ADAMTSL1: variants seen among roughly 807,000 people sequenced by gnomAD.
The protein encoded by ADAMTSL1 is ADAMTS-like protein 1.
In ADAMTSL1, 126 loss-of-function variants were observed where a neutral mutation model predicts 201.8. That is an observed-to-expected ratio of 0.62 (90% CI 0.54 to 0.72). The LOEUF is 0.72. Among genes scored for constraint, ADAMTSL1 ranks in the 30% least tolerant of loss-of-function variants. The pLI, the probability that ADAMTSL1 is intolerant of heterozygous loss-of-function variation, is 0.00. For synonymous variants in ADAMTSL1, 1,121 were observed against 903.4 expected, an observed-to-expected ratio of 1.24 and a Z score of -4.32; for missense variants, 2,679 against 2,277.8, an observed-to-expected ratio of 1.18 and a Z score of -3.59.
chr9:18,361,765 G>T (rs1199635335), intron 2 of ADAMTSL1, among the ~76,000 whole-genome samples: 1 of 152,150 alleles, frequency 6.6e-6, no homozygotes, highest in African/African-American at 2.4e-5. Flanking sequence ...AGACTTTGTA[G>T]CTTAGTGAAT....
intron 17 of ADAMTSL1, 60 bp downstream of exon 17, chr9:18,770,841 G>C: frequency 6.5e-7 from 1 of 1,530,432 alleles, no homozygotes; most frequent in East Asian, 2.3e-5. Context: ...AGGCACCCCA[G>C]ACATATACAT....
chr9:18,786,727 G>A (rs1821729557), intron 19 of ADAMTSL1, among the ~76,000 whole-genome samples: 1 of 152,142 alleles, frequency 6.6e-6, no homozygotes, highest in African/African-American at 2.4e-5. Flanking sequence ...GGTTAGCAAG[G>A]TTTCTAGGAA....
chr9:18,608,891 T>G (rs1825198646), intron 4 of ADAMTSL1, among the ~76,000 whole-genome samples: 1 of 151,584 alleles, frequency 6.6e-6, no homozygotes, highest in African/African-American at 2.4e-5. Flanking sequence ...TGATTTGCTT[T>G]TGGCTTATTC....
chr9:18,856,271 C>T (rs947093739), intron 23 of ADAMTSL1, among the ~76,000 whole-genome samples: 11 of 152,048 alleles, frequency 7.2e-5, no homozygotes, highest in Non-Finnish European at 1.5e-4. Flanking sequence ...TACTTTTTTT[C>T]AGGATCTAAA....
chr9:18,195,988 AC>A (rs1829159453), intron 2 of ADAMTSL1, among the ~76,000 whole-genome samples: 1 of 152,184 alleles, frequency 6.6e-6, no homozygotes, highest in Non-Finnish European at 1.5e-5. Flanking sequence ...AAGAAAAAAA[AC>A]AATTCATACA....
At chr9:18,754,216 G>A (rs1819619549) in intron 16 of ADAMTSL1, among the ~76,000 whole-genome samples, 1 of 152,144 alleles carries the variant, frequency 6.6e-6, no homozygotes, top group Non-Finnish European at 1.5e-5. Flanking sequence ...TAAAATATGT[G>A]CTATCCCTTT....
intron 1 of ADAMTSL1, among the ~76,000 whole-genome samples, chr9:18,128,074 A>G (rs2067719): frequency 0.41 from 61,940 of 152,058 alleles, 13,679 homozygotes; most frequent in East Asian, 0.5. Context: ...ACAAATGACT[A>G]GTTGCATAAA....
intron 13 of ADAMTSL1, among the ~76,000 whole-genome samples, chr9:18,696,145 G>T (rs996644574): frequency 6.6e-6 from 1 of 152,154 alleles, no homozygotes; most frequent in Non-Finnish European, 1.5e-5. Flanking sequence ...CCAATATTGG[G>T]GATTACAATT....
At chr9:18,822,644 A>T (rs2131216556) in intron 21 of ADAMTSL1, among the ~76,000 whole-genome samples, 1 of 152,302 alleles carries the variant, frequency 6.6e-6, no homozygotes, top group East Asian at 1.9e-4. Context: ...ATCCAAACAA[A>T]TGTGACCTTA....
chr9:18,887,770 T>C, intron 23 of ADAMTSL1, 61 bp from the exon 24 acceptor site: 1 of 1,440,032 alleles, frequency 6.9e-7, no homozygotes. Context: ...AGTAAACCAG[T>C]GCACCAGCAA....
At position 18,392,573 on chromosome 9, in the gene ADAMTSL1, C is replaced by T. The variant is rs181969018; in HGVS notation, c.208-112256C>T. 1.2e-3 allele frequency among the ~76,000 whole-genome samples: 186 copies of T among 152,280 alleles called. 1 individual carries two copies. The highest frequency in any genetic ancestry group is 0.01 in the Admixed American group (153 of 15,294). ...TATTTAGTATTTTTGAAACTTCTAT[C>T]TTTGGCCCCTGCATTCTGGACATCC... On this transcript the variant is annotated intron_variant, in intron 2 of 29. Transcript: ENST00000680146.
intron 2 of ADAMTSL1, among the ~76,000 whole-genome samples, chr9:18,429,091 T>C (rs1354954133): frequency 6.6e-6 from 1 of 152,230 alleles, no homozygotes; most frequent in Non-Finnish European, 1.5e-5. Flanking sequence ...TTTTCATTAG[T>C]TCATAGCATT....
At chr9:18,517,370 A>T (rs1245028120) in intron 2 of ADAMTSL1, among the ~76,000 whole-genome samples, 1 of 151,776 alleles carries the variant, frequency 6.6e-6, no homozygotes, top group African/African-American at 2.4e-5. Flanking sequence ...TTACTTTGGT[A>T]GCTATTTAAT....
chr9:18,429,644 A>T (rs1819394240), intron 2 of ADAMTSL1, among the ~76,000 whole-genome samples: 1 of 152,158 alleles, frequency 6.6e-6, no homozygotes, highest in South Asian at 2.1e-4. Flanking sequence ...CATTAGGCCT[A>T]AATAATGCTC....
intron 2 of ADAMTSL1, among the ~76,000 whole-genome samples, chr9:18,521,329 A>G (rs1211080469): frequency 6.6e-6 from 1 of 152,066 alleles, no homozygotes; most frequent in Non-Finnish European, 1.5e-5. Context: ...TTGTAACACA[A>G]AGGATAAGTG....
intron 1 of ADAMTSL1, among the ~76,000 whole-genome samples, chr9:18,476,921 T>A (rs1821483597): frequency 1.3e-5 from 2 of 152,176 alleles, no homozygotes; most frequent in African/African-American, 4.8e-5. Flanking sequence ...CAAAATCCTT[T>A]CCCCTTGGAA....
intron 13 of ADAMTSL1, among the ~76,000 whole-genome samples, chr9:18,704,371 C>G (rs1310659921): frequency 6.6e-6 from 1 of 152,192 alleles, no homozygotes; most frequent in East Asian, 1.9e-4. Flanking sequence ...AGCAACAGAA[C>G]CATAATCCTT....
intron 2 of ADAMTSL1, among the ~76,000 whole-genome samples, chr9:18,235,018 A>G (rs1164221086): frequency 2.0e-5 from 3 of 152,296 alleles, no homozygotes; most frequent in East Asian, 3.9e-4. Context: ...CATTTGTCAC[A>G]ACTAAGGAAC....
chr9:18,878,128 C>G (rs1828285075), intron 23 of ADAMTSL1, among the ~76,000 whole-genome samples: 1 of 152,188 alleles, frequency 6.6e-6, no homozygotes, highest in South Asian at 2.1e-4. Context: ...CCATGCCCCA[C>G]CAATAGCACC....
Sources: gnomAD v4.1 joint callset for allele counts (sites outside exome capture counted in the v4.1 genomes callset) on GRCh38, gnomAD v4.1.1 for gene constraint, MANE v1.5 for transcripts, NCBI Gene and HGNC (gene_info 2026-07-23, HGNC 2026-07-21) for gene names.